The following NEK10 variants were observed in gnomAD, a reference collection of about 807,000 sequenced individuals.
NEK10 encodes NIMA related kinase 10.
In NEK10, 122 loss-of-function variants were observed where a neutral mutation model predicts 159.8. The ratio of observed to expected loss-of-function variants is 0.76; its 90% confidence interval spans 0.66 to 0.89. The LOEUF (loss-of-function observed/expected upper bound fraction) is 0.89. Ranked by LOEUF, NEK10 falls within the 40% of genes least tolerant of loss-of-function variation. The pLI is 0.00. For missense variants in NEK10, 1,342 were observed against 1,323.1 expected, an observed-to-expected ratio of 1.01 and a Z score of -0.22; for synonymous variants, 466 against 457.1, an observed-to-expected ratio of 1.02 and a Z score of -0.25.
chr3:27,337,020 A>T (rs1603051), intron 5 of NEK10, among the ~76,000 whole-genome samples: 1 of 149,608 alleles, frequency 6.7e-6, no homozygotes, highest in Non-Finnish European at 1.5e-5. Flanking sequence ...TAAAAGGCAT[A>T]CACATTTGGC....
intron 26 of NEK10, among the ~76,000 whole-genome samples, chr3:27,181,774 C>T (rs1948129459): frequency 6.6e-6 from 1 of 152,056 alleles, no homozygotes; most frequent in Admixed American, 6.6e-5. Context: ...CTGTTTGGTT[C>T]ACTACTGTAT....
rs143341607 is a variant in NEK10 at position 27,175,004 on chromosome 3, A to T, written c.2506-171T>A. Among the ~76,000 whole-genome samples, 519 of 152,358 alleles carry T rather than the reference A, an allele frequency of 3.4e-3. 3 individuals are homozygous for T. The highest frequency in any genetic ancestry group is 0.012 in the African/African-American group (492 of 41,582). On this transcript the variant is annotated intron_variant, in intron 26 of 35. Coordinates refer to ENST00000691995, the MANE Select transcript of NEK10 (RefSeq NM_001394966.1). ...ACCTGTTACAGAATCTATTCAGTCC[A>T]TAAATACAAAAAGATGCAGGTCTAT...
intron 22 of NEK10, among the ~76,000 whole-genome samples, chr3:27,262,275 C>T (rs984233776): frequency 1.3e-5 from 2 of 152,274 alleles, no homozygotes; most frequent in African/African-American, 4.8e-5. Flanking sequence ...TTTTTTCCTT[C>T]ATTTCAACTT....
At chr3:27,252,784 G>C (rs1379409904) in intron 23 of NEK10, 3 of 431,762 alleles carry the variant, frequency 6.9e-6, no homozygotes, top group African/African-American at 6.1e-5. Context: ...TGGTCAGAGG[G>C]AGCCCAGATG....
At chr3:27,204,295 G>GTTTTTTTT (rs1950306350) in intron 23 of NEK10, among the ~76,000 whole-genome samples, 8 of 73,994 alleles carry the variant, frequency 1.1e-4, no homozygotes, top group East Asian at 3.7e-4. Flanking sequence ...TTTTTTTTTT[G>GTTTTTTTT]TTGTTGTTTT....
intron 23 of NEK10, among the ~76,000 whole-genome samples, chr3:27,229,230 C>T (rs1350066595): frequency 6.6e-6 from 1 of 152,158 alleles, no homozygotes; most frequent in East Asian, 1.9e-4. Flanking sequence ...AAAGCCAGTG[C>T]ACAAAGTCTA....
rs371068222 is a variant in NEK10 at position 27,119,725 on chromosome 3, A to G, written c.3190+35T>C. On this transcript the variant is annotated intron_variant, in intron 33 of 35. Coordinates refer to ENST00000691995, the MANE Select transcript of NEK10 (RefSeq NM_001394966.1). ...GTTGATCCAAACAATATATTTCTTC[A>G]TGAAAGCCAGGTTACCCATGTTGAT... 98 of 1,499,870 alleles carry G rather than the reference A, an allele frequency of 6.5e-5. No homozygotes were observed. The African/African-American group carries it at 1.2e-3, about 19-fold the overall frequency. 92.9% of individuals were successfully genotyped at this position (1,499,870 alleles called of 1,614,324 possible). A position where few individuals can be genotyped will look rare whatever the true frequency, so the allele number is the denominator to read the frequency against.
chr3:27,158,132 G>A (rs1197540048), intron 30 of NEK10, among the ~76,000 whole-genome samples: 1 of 152,092 alleles, frequency 6.6e-6, no homozygotes, highest in Admixed American at 6.6e-5. Context: ...CAATATCTGT[G>A]AGATACACCT....
chr3:27,364,007 T>C (rs1415539820), intron 1 of NEK10, among the ~76,000 whole-genome samples: 1 of 151,946 alleles, frequency 6.6e-6, no homozygotes, highest in Non-Finnish European at 1.5e-5. Context: ...CGGGACTAAA[T>C]AAAATAGTGA....
At chr3:27,217,506 C>T (rs1031916423) in intron 23 of NEK10, among the ~76,000 whole-genome samples, 1 of 152,090 alleles carries the variant, frequency 6.6e-6, no homozygotes, top group Non-Finnish European at 1.5e-5. Context: ...ATCACAAAAA[C>T]AGCACCACCA....
intron 30 of NEK10, among the ~76,000 whole-genome samples, chr3:27,158,485 A>G (rs1261518777): frequency 6.6e-6 from 1 of 152,192 alleles, no homozygotes; most frequent in African/African-American, 2.4e-5. Flanking sequence ...GCAAAAAATA[A>G]AAAACATTGA....
intron 5 of NEK10, among the ~76,000 whole-genome samples, chr3:27,343,327 A>G (rs1157064023): frequency 6.6e-6 from 1 of 152,226 alleles, no homozygotes; most frequent in Non-Finnish European, 1.5e-5. Context: ...ATGCTGTTCT[A>G]CTTAAAATCA....
At chr3:27,340,016 C>T (rs2047089550) in intron 5 of NEK10, among the ~76,000 whole-genome samples, 1 of 152,046 alleles carries the variant, frequency 6.6e-6, no homozygotes, top group Non-Finnish European at 1.5e-5. Flanking sequence ...GTGTAATATC[C>T]AAAGTATTAT....
At chr3:27,351,826 T>C (rs529761292) in intron 3 of NEK10, among the ~76,000 whole-genome samples, 17 of 152,212 alleles carry the variant, frequency 1.1e-4, no homozygotes, top group South Asian at 1.0e-3. Context: ...TCATTATTAT[T>C]AGCATTGCTA....
At chr3:27,113,581 C>G (rs968270605) in intron 35 of NEK10, among the ~76,000 whole-genome samples, 1 of 151,906 alleles carries the variant, frequency 6.6e-6, no homozygotes, top group East Asian at 1.9e-4. Flanking sequence ...ACTGTTTCAT[C>G]ATACCTTCAT....
intron 30 of NEK10, among the ~76,000 whole-genome samples, chr3:27,154,176 TA>T (rs903541952): frequency 2.0e-5 from 3 of 152,154 alleles, no homozygotes; most frequent in Non-Finnish European, 2.9e-5. Context: ...TGAACACCTT[TA>T]AGAATATAAA....
chr3:27,220,510 C>T (rs916039465), intron 23 of NEK10, among the ~76,000 whole-genome samples: 2 of 152,102 alleles, frequency 1.3e-5, no homozygotes, highest in African/African-American at 4.8e-5. Context: ...CTTAATTCCC[C>T]TTCACCATGT....
intron 5 of NEK10, among the ~76,000 whole-genome samples, chr3:27,335,544 TC>T (rs2046741734): frequency 6.6e-6 from 1 of 152,140 alleles, no homozygotes; most frequent in African/African-American, 2.4e-5. Flanking sequence ...ATCCAACAAC[TC>T]AACAACTGCA....
At chr3:27,334,968 C>CA (rs2046693607) in intron 5 of NEK10, among the ~76,000 whole-genome samples, 1 of 151,906 alleles carries the variant, frequency 6.6e-6, no homozygotes, top group Non-Finnish European at 1.5e-5. Context: ...AAGAAAAGTC[C>CA]AAAAAATATA....
Sources: gnomAD v4.1 joint callset for allele counts (sites outside exome capture counted in the v4.1 genomes callset) on GRCh38, gnomAD v4.1.1 for gene constraint, MANE v1.5 for transcripts, NCBI Gene and HGNC (gene_info 2026-07-23, HGNC 2026-07-21) for gene names.